The following BCLAF1 variants were observed in gnomAD, a reference collection of about 807,000 sequenced individuals.
BCLAF1 encodes BCL2 associated transcription factor 1, also known as bcl-2-associated transcription factor 1.
BCLAF1 carries 10 observed loss-of-function variants against 99.5 expected under a neutral mutation model. The ratio of observed to expected loss-of-function variants is 0.10; its 90% confidence interval spans 0.06 to 0.17. The LOEUF (loss-of-function observed/expected upper bound fraction) is 0.17, where lower values mean the gene tolerates loss of function less well. BCLAF1 is among the 10% of genes least tolerant of loss of function. BCLAF1 has a pLI of 1.00. For missense variants in BCLAF1, 636 were observed against 1,105.8 expected, an observed-to-expected ratio of 0.58 and a Z score of 6.02; for synonymous variants, 255 against 370.9, an observed-to-expected ratio of 0.69 and a Z score of 3.59.
chr6:136,265,362 T>C (rs1186970020), intron 11 of BCLAF1, among the ~76,000 whole-genome samples: 3 of 152,184 alleles, frequency 2.0e-5, no homozygotes. Context: ...CTTAATCTTT[T>C]GAAAGGAGCT....
intron 1 of BCLAF1, among the ~76,000 whole-genome samples, chr6:136,289,142 G>C (rs1785581179): frequency 6.6e-6 from 1 of 152,224 alleles, no homozygotes; most frequent in African/African-American, 2.4e-5. Context: ...TTAACTGACG[G>C]GTGGTCTGAA....
At position 136,273,138 on chromosome 6, in the gene BCLAF1, C is replaced by T. The variant is rs770845270; in HGVS notation, c.1902G>A (p.Ser634=). The T allele has an allele frequency of 1.9e-5, 31 of 1,612,060 alleles. No individual in the cohort carries two copies. Among genetic ancestry groups the T allele is most frequent in the Admixed American group, 5.0e-5 (3 of 59,894 alleles). Residue 634 remains serine, a synonymous_variant, in exon 7 of 13, where the codon TCG becomes TCA. Transcript: ENST00000531224. ...TATGTTCTTCAGTGGCTTTCTGATA[C>T]GAAGTGAACCGCTCGTTTAGGGTCA... ...AAMTLNERFT[S]YQKATEEHST...
intron 11 of BCLAF1, among the ~76,000 whole-genome samples, chr6:136,263,886 G>T (rs138389908): frequency 1.3e-5 from 2 of 152,176 alleles, no homozygotes; most frequent in African/African-American, 2.4e-5. Context: ...CCACACCTTT[G>T]CATAAAACAA....
intron 3 of BCLAF1, 63 bp from the exon 4 acceptor site, chr6:136,278,839 C>G: frequency 7.3e-7 from 1 of 1,376,826 alleles, no homozygotes; most frequent in East Asian, 2.4e-5. Context: ...ATTCTAAATA[C>G]TCTGGTTGAA....
intron 1 of BCLAF1, among the ~76,000 whole-genome samples, chr6:136,287,821 G>A (rs758458161): frequency 2.0e-5 from 3 of 152,166 alleles, no homozygotes; most frequent in African/African-American, 4.8e-5. Context: ...CCTGAGGTCA[G>A]GAGTTCGAGA....
In BCLAF1 at chr6:136,278,706, G is replaced by A. The variant is rs768427687; in HGVS notation, c.175C>T (p.Arg59Cys). 4 of 1,611,990 alleles carry A rather than the reference G, an allele frequency of 2.5e-6. No individual in the cohort carries two copies. The highest frequency in any genetic ancestry group is 1.1e-5 in the South Asian group (1 of 90,952). Reference sequence around the variant, plus strand: ...ATTCCTCTATTATTTCTGTAATCGCGACGATAATCTCTAGAATACATACGA... The same window carrying A: ...ATTCCTCTATTATTTCTGTAATCGCAACGATAATCTCTAGAATACATACGA... The part of the protein sequence containing the change: ...RDRMYSRDYR[R>C]DYRNNRGMRR... Residue 59 changes from arginine to cysteine, a missense_variant, in exon 4 of 13, where the codon CGC becomes TGC. This residue lies in a region of BCLAF1 where 81 missense variants were observed against 132.5 expected (regional missense o/e 0.61). Transcript: ENST00000531224.
At chr6:136,269,353 A>C in intron 9 of BCLAF1, 84 bp downstream of exon 9, 3 of 1,578,106 alleles carry the variant, frequency 1.9e-6, no homozygotes, top group Middle Eastern at 1.7e-4. Context: ...TCGATTACAC[A>C]GTCAAAATTG....
chr6:136,281,638 A>T (rs1784394517), intron 2 of BCLAF1, among the ~76,000 whole-genome samples: 2 of 152,252 alleles, frequency 1.3e-5, no homozygotes, highest in Non-Finnish European at 2.9e-5. Flanking sequence ...CAGCAATAAG[A>T]CAACATCCTT....
chr6:136,267,203 T>A, intron 10 of BCLAF1, 28 bp from the exon 11 acceptor site: 1 of 1,607,000 alleles, frequency 6.2e-7, no homozygotes. Flanking sequence ...AGTTGTTTAG[T>A]GATGCAATCA....
At chr6:136,261,723 G>C (rs1009371227) in intron 11 of BCLAF1, among the ~76,000 whole-genome samples, 1 of 152,018 alleles carries the variant, frequency 6.6e-6, no homozygotes, top group Non-Finnish European at 1.5e-5. Flanking sequence ...ACAATCATTT[G>C]GAAGATCTCA....
chr6:136,260,848 A>G lies in BCLAF1; in HGVS notation c.*262T>C. Reference sequence around the variant, plus strand: ...TATAGACAAAGCAGAATTACAATGCATGTAACAAAAACGTTAAAAGTTTTA... The same window carrying G: ...TATAGACAAAGCAGAATTACAATGCGTGTAACAAAAACGTTAAAAGTTTTA... On this transcript the variant is annotated 3_prime_UTR_variant, in exon 13 of 13. Coordinates refer to ENST00000531224, the MANE Select transcript of BCLAF1 (RefSeq NM_014739.3). 1 of 472,672 alleles carries G rather than the reference A, an allele frequency of 2.1e-6. No homozygotes were observed. The highest frequency in any genetic ancestry group is 3.8e-6 in the Non-Finnish European group (1 of 266,292). 29.3% of individuals were successfully genotyped at this position (472,672 alleles called of 1,614,324 possible).
chr6:136,267,408 T>A (rs1009166342), intron 10 of BCLAF1, among the ~76,000 whole-genome samples: 1 of 152,022 alleles, frequency 6.6e-6, no homozygotes, highest in South Asian at 2.1e-4. Context: ...TACTGTACTT[T>A]CATGGACTGA....
intron 4 of BCLAF1, 137 bp from the exon 5 acceptor site, chr6:136,276,645 T>C (rs1480670334): frequency 1.9e-6 from 2 of 1,052,318 alleles, no homozygotes; most frequent in Non-Finnish European, 1.3e-6. Flanking sequence ...TTTTTCAGAT[T>C]CCACTTTTAA....
At chr6:136,274,921 T>C (rs1399024275) in intron 6 of BCLAF1, among the ~76,000 whole-genome samples, 1 of 152,026 alleles carries the variant, frequency 6.6e-6, no homozygotes, top group Non-Finnish European at 1.5e-5. Context: ...GTCATCATTA[T>C]CCTAATTAGT....
At chr6:136,266,532 T>C (rs1470714792) in intron 11 of BCLAF1, among the ~76,000 whole-genome samples, 1 of 152,096 alleles carries the variant, frequency 6.6e-6, no homozygotes, top group African/African-American at 2.4e-5. Context: ...ACCAAATTAG[T>C]GTATCTAGCA....
At chr6:136,280,203 G>A (rs1004101215) in intron 2 of BCLAF1, among the ~76,000 whole-genome samples, 2 of 152,088 alleles carry the variant, frequency 1.3e-5, no homozygotes, top group African/African-American at 2.4e-5. Flanking sequence ...GTTATTCCAC[G>A]CCCAATACAA....
intron 4 of BCLAF1, 44 bp downstream of exon 4, chr6:136,277,821 A>G: frequency 1.9e-6 from 3 of 1,555,590 alleles, no homozygotes; most frequent in Non-Finnish European, 2.6e-6. Context: ...AATTCAAAGA[A>G]CAAAAACAAT....
intron 1 of BCLAF1, among the ~76,000 whole-genome samples, chr6:136,289,324 C>A (rs1785612873): frequency 6.6e-6 from 1 of 152,204 alleles, no homozygotes; most frequent in Admixed American, 6.5e-5. Flanking sequence ...GCGCCATAGG[C>A]GGGGGAGAGA....
chr6:136,279,672 C>G (rs1057020806), intron 3 of BCLAF1, 91 bp downstream of exon 3: 31 of 1,206,308 alleles, frequency 2.6e-5, no homozygotes, highest in Non-Finnish European at 3.2e-5. Flanking sequence ...GAATAAAATA[C>G]ATTTTGGGGT....
Sources: allele counts gnomAD v4.1 joint callset (sites outside exome capture counted in the v4.1 genomes callset), GRCh38; gene constraint gnomAD v4.1.1; regional missense constraint gnomAD v4.1.1; transcripts MANE v1.5; gene names NCBI Gene and HGNC (gene_info 2026-07-23, HGNC 2026-07-21).